Variants in ZNF276 observed in about 807,000 individuals in gnomAD.
ZNF276 encodes centromere protein Z.
A neutral mutation model predicts 63.9 loss-of-function variants in ZNF276; 59 were observed. The ratio of observed to expected loss-of-function variants is 0.92; its 90% CI spans 0.75 to 1.15. The LOEUF (loss-of-function observed/expected upper bound fraction) is 1.15, where lower values mean the gene tolerates loss of function less well. Among genes scored for constraint, ZNF276 ranks in the 50% most tolerant of loss-of-function variants. ZNF276 has a pLI of 0.00. For missense variants in ZNF276, 1,084 were observed against 843.8 expected, an observed-to-expected ratio of 1.28 and a Z score of -3.53; for synonymous variants, 496 against 348.4, an observed-to-expected ratio of 1.42 and a Z score of -4.72.
rs1567593114 is a variant in ZNF276, at chr16:89,739,260, GCCGCGTCTTCATGGA to G, written c.*1015_*1029del. On this transcript the variant is annotated 3_prime_UTR_variant, in exon 11 of 11. Coordinates refer to ENST00000443381, the MANE Select transcript of ZNF276 (RefSeq NM_001113525.2). ...ATGCAGGAAGGCCTCTTCCCTGATGGCCGCGTCTTCATGGAAGTAGGAGAGAAGACTAGAGGTAAA... is the reference window on the plus strand; with the variant it reads ...ATGCAGGAAGGCCTCTTCCCTGATGGAGTAGGAGAGAAGACTAGAGGTAAA... The G allele has an allele frequency of 6.2e-7, 1 of 1,614,162 alleles. No individual in the cohort carries two copies.
At chr16:89,732,259 C>G (rs4293383) in intron 6 of ZNF276, 147,151 of 152,390 alleles carry the variant, frequency 0.97, 71,198 homozygotes, top group East Asian at 1. Flanking sequence ...CGACCCCAGA[C>G]TTTTGGAGGA....
intron 9 of ZNF276, among the ~76,000 whole-genome samples, chr16:89,736,248 A>C (rs1006862920): frequency 6.6e-6 from 1 of 151,404 alleles, no homozygotes; most frequent in African/African-American, 2.4e-5. Context: ...GCTGGTCTCG[A>C]GTTCCTGACC....
intron 5 of ZNF276, 54 bp downstream of exon 5, chr16:89,727,411 G>A (rs1361889788): frequency 1.3e-6 from 2 of 1,582,146 alleles, no homozygotes; most frequent in African/African-American, 2.7e-5. Context: ...AAAACCATCA[G>A]TGACCTTTCT....
chr16:89,737,235 T>G (rs1010959250), intron 9 of ZNF276, among the ~76,000 whole-genome samples: 1 of 152,102 alleles, frequency 6.6e-6, no homozygotes, highest in African/African-American at 2.4e-5. Context: ...CTTTAAGAAT[T>G]TGTAGGCCAG....
At chr16:89,728,395 T>G (rs1383260057) in intron 5 of ZNF276, among the ~76,000 whole-genome samples, 1 of 151,698 alleles carries the variant, frequency 6.6e-6, no homozygotes, top group Non-Finnish European at 1.5e-5. Flanking sequence ...CAGCTAAGTT[T>G]TGTATTTATT....
intron 10 of ZNF276, 34 bp from the exon 11 acceptor site, chr16:89,737,942 C>A: frequency 6.2e-7 from 1 of 1,613,932 alleles, no homozygotes; most frequent in Non-Finnish European, 8.5e-7. Context: ...AGGGCTGTGG[C>A]CCTCGCACCT....
At chr16:89,737,686 T>C (rs2061984574) in intron 9 of ZNF276, 120 bp from the exon 10 acceptor site, 1 of 1,554,258 alleles carries the variant, frequency 6.4e-7, no homozygotes, top group Non-Finnish European at 8.7e-7. Flanking sequence ...TTGGGCCCAC[T>C]GCATGGTGAA....
At chr16:89,720,384 C>A, upstream of ZNF276, 3 of 994,726 alleles carry the variant, frequency 3.0e-6, no homozygotes, top group Non-Finnish European at 3.6e-6. Context: ...ATGCCGTCCC[C>A]TGTGGCAACC....
At chr16:89,728,127 G>A (rs952967685) in intron 5 of ZNF276, among the ~76,000 whole-genome samples, 2 of 152,200 alleles carry the variant, frequency 1.3e-5, no homozygotes, top group African/African-American at 2.4e-5. Context: ...GGAGGCACCT[G>A]GGGTGGCTAA....
chr16:89,738,954 T>G lies in ZNF276; in HGVS notation c.*708T>G. On this transcript the variant is annotated 3_prime_UTR_variant, in exon 11 of 11. Coordinates refer to ENST00000443381, the MANE Select transcript of ZNF276 (RefSeq NM_001113525.2). ...GCAGCAGAAAAAGACGAGCTTTTGT[T>G]ATCAGTTCCACGGGGTTGCCCTAGA... is the stretch of plus-strand genomic sequence containing the variant. 1 of 1,614,242 alleles carries G rather than the reference T, an allele frequency of 6.2e-7. No individual in the cohort carries two copies. The highest frequency in any genetic ancestry group is 1.6e-4 in the Middle Eastern group (1 of 6,062).
chr16:89,735,058 C>CGGAGGTGGAGGT lies in ZNF276; in HGVS notation c.1474+1021_1474+1032dup, dbSNP rs75882749. Among the ~76,000 whole-genome samples, 3 of 150,692 alleles carry CGGAGGTGGAGGT rather than the reference C, an allele frequency of 2.0e-5. No individual in the cohort carries two copies. The East Asian group carries it at 5.9e-4, about 30-fold the overall frequency. ...CCTGTAGGCACAGCTACTTGGGAGG[C>CGGAGGTGGAGGT]GGAGGTGGAGGTTGCAGTGAGCCGA... On this transcript the variant is annotated intron_variant, in intron 9 of 10. Transcript: ENST00000443381.
chr16:89,731,845 T>C (rs2061664133), intron 6 of ZNF276: 1 of 152,148 alleles, frequency 6.6e-6, no homozygotes, highest in Admixed American at 6.5e-5. Context: ...TTAATTAGGG[T>C]TTTTTGTATG....
intron 4 of ZNF276, among the ~76,000 whole-genome samples, chr16:89,724,661 C>T (rs1400188743): frequency 6.6e-6 from 1 of 152,136 alleles, no homozygotes; most frequent in East Asian, 1.9e-4. Flanking sequence ...AGAAACACAG[C>T]TACCCAGATA....
intron 6 of ZNF276, among the ~76,000 whole-genome samples, chr16:89,730,765 CT>C (rs1267045670): frequency 1.2e-4 from 18 of 152,182 alleles, no homozygotes; most frequent in Admixed American, 2.6e-4. Flanking sequence ...TGAGACCCCC[CT>C]GGGAACCCAG....
chr16:89,735,128 C>G (rs76423324), intron 9 of ZNF276, among the ~76,000 whole-genome samples: 18 of 151,598 alleles, frequency 1.2e-4, no homozygotes, highest in African/African-American at 4.1e-4. Context: ...GAGACACTGT[C>G]TCAAAAAAAA....
rs1343253194 is a variant in ZNF276, at chr16:89,723,389, A to G, written c.686A>G (p.Gln229Arg). 4 of 1,613,052 alleles carry G rather than the reference A, an allele frequency of 2.5e-6. No individual in the cohort carries two copies. Among genetic ancestry groups the G allele is most frequent in the Non-Finnish European group, 3.4e-6 (4 of 1,180,036 alleles). The part of the protein sequence containing the change: ...TLSSEYCGVI[Q>R]VVWGCDQGHD... The stretch of plus-strand genomic sequence containing the variant: ...TCCTCCGAGTACTGCGGCGTCATCC[A>G]GGTCGTGTGGGGCTGCGACCAGGGC... Residue 229 changes from glutamine (Q) to arginine (R), a missense_variant, in exon 4 of 11, where the codon CAG (glutamine) becomes CGG (arginine). Coordinates refer to ENST00000443381, the MANE Select transcript of ZNF276 (RefSeq NM_001113525.2).
rs2061337416 is a variant in ZNF276, at chr16:89,722,752, T to C, written c.427T>C (p.Phe143Leu). ...PFVCKSCHAQFYQCHSLLKSF... is the reference protein window; with the variant it reads ...PFVCKSCHAQLYQCHSLLKSF... ...TGTCTGCAAGAGCTGCCACGCCCAG[T>C]TCTACCAGTGCCACAGCCTTCTCAA... Residue 143 changes from phenylalanine to leucine, a missense_variant, in exon 2 of 11, where the codon TTC (phenylalanine) becomes CTC (leucine). Physicochemically the swap from Phe to Leu is conservative, Grantham distance 22 (BLOSUM62 0). Coordinates refer to ENST00000443381, the MANE Select transcript of ZNF276 (RefSeq NM_001113525.2). The C allele has an allele frequency of 6.2e-7, 1 of 1,611,438 alleles. No individual in the cohort carries two copies. Among genetic ancestry groups the C allele is most frequent in the Non-Finnish European group, 8.5e-7 (1 of 1,180,016 alleles).
At chr16:89,736,973 T>C (rs2061939925) in intron 9 of ZNF276, among the ~76,000 whole-genome samples, 1 of 152,094 alleles carries the variant, frequency 6.6e-6, no homozygotes, top group Admixed American at 6.5e-5. Context: ...AAGTCTGTCT[T>C]GTGAAGCGTT....
intron 4 of ZNF276, among the ~76,000 whole-genome samples, chr16:89,726,452 C>T (rs992331691): frequency 6.6e-6 from 1 of 152,088 alleles, no homozygotes; most frequent in Non-Finnish European, 1.5e-5. Context: ...CCACCCCGGC[C>T]TCCAAAGTGC....
Sources: allele counts gnomAD v4.1 joint callset (sites outside exome capture counted in the v4.1 genomes callset), GRCh38; gene constraint gnomAD v4.1.1; transcripts MANE v1.5; gene names NCBI Gene and HGNC (gene_info 2026-07-23, HGNC 2026-07-21).